HNF4G: variants seen among roughly 807,000 people sequenced by gnomAD.
HNF4G encodes the protein hepatocyte nuclear factor 4-gamma.
A neutral mutation model predicts 50.9 loss-of-function variants in HNF4G; 21 were observed. The observed-to-expected ratio is 0.41, with a 90% CI of 0.29 to 0.59. The LOEUF (loss-of-function observed/expected upper bound fraction) is 0.59. Among genes scored for constraint, HNF4G ranks in the 20% least tolerant of loss-of-function variants. The pLI is 0.26. For synonymous variants in HNF4G, 198 were observed against 185.6 expected, an observed-to-expected ratio of 1.07 and a Z score of -0.54; for missense variants, 527 against 559.4, an observed-to-expected ratio of 0.94 and a Z score of 0.58.
rs183999642 is a variant in HNF4G at position 75,430,178 on chromosome 8, G to C, written c.-144+22016G>C. Among the ~76,000 whole-genome samples, 282 of 151,830 alleles carry C rather than the reference G, an allele frequency of 1.9e-3. 1 individual carries two copies. The highest frequency in any genetic ancestry group is 3.9e-3 in the Admixed American group (59 of 15,224). On this transcript the variant is annotated intron_variant, in intron 1 of 10. Coordinates refer to the HNF4G transcript ENST00000354370. ...AAAAAAAAAAAAAATTAATTGCATA[G>C]CTGAGTTGGTGGAAAGTAAGGAGAA...
chr8:75,564,026 A>C lies in HNF4G; in HGVS notation c.1298A>C (p.Gln433Pro). 1 of 1,613,786 alleles carries C rather than the reference A, an allele frequency of 6.2e-7. No individual in the cohort carries two copies. Residue 433 changes from glutamine (Q) to proline (P), a missense_variant, in exon 10 of 10, where the codon CAG becomes CCG. By Grantham distance (76) the Gln-to-Pro change is moderately conservative (BLOSUM62 -1). Transcript: ENST00000396423. ...PSPPQGSGQE[Q>P]YKIAANQASV... Reference sequence around the variant, plus strand: ...CCACCACAAGGCTCTGGGCAAGAACAGTACAAAATAGCTGCAAACCAAGCA... The same window carrying C: ...CCACCACAAGGCTCTGGGCAAGAACCGTACAAAATAGCTGCAAACCAAGCA...
At chr8:75,544,031 G>T (rs1171692581) in intron 2 of HNF4G, 52 bp downstream of exon 2, 13 of 1,469,046 alleles carry the variant, frequency 8.8e-6, no homozygotes, top group South Asian at 4.1e-5. Context: ...TTTCAGTTTG[G>T]CACGCAAAAA....
chr8:75,420,653 C>T (rs1810754963), intron 1 of HNF4G, among the ~76,000 whole-genome samples: 2 of 152,312 alleles, frequency 1.3e-5, no homozygotes, highest in South Asian at 4.1e-4. Flanking sequence ...CTTTAGTTCT[C>T]AGTTTCTGTG....
chr8:75,479,725 C>T (rs911426959), intron 1 of HNF4G, among the ~76,000 whole-genome samples: 2 of 151,320 alleles, frequency 1.3e-5, no homozygotes, highest in Admixed American at 6.6e-5. Context: ...TGTTAAACTA[C>T]CATGGAGGTG....
At chr8:75,493,070 C>T (rs1812673862) in intron 2 of HNF4G, among the ~76,000 whole-genome samples, 1 of 151,558 alleles carries the variant, frequency 6.6e-6, no homozygotes, top group Non-Finnish European at 1.5e-5. Context: ...TAGTCATATA[C>T]ATATGAATCA....
intron 2 of HNF4G, among the ~76,000 whole-genome samples, chr8:75,494,299 AGCACAC>A (rs760525183): frequency 0.15 from 20,921 of 136,998 alleles, 1,860 homozygotes; most frequent in African/African-American, 0.22. Flanking sequence ...TCTCCCATAC[AGCACAC>A]ACACACACAC....
In HNF4G at chr8:75,565,180, T is replaced by A. The variant is rs1183492932; in HGVS notation, c.*1084T>A. On this transcript the variant is annotated 3_prime_UTR_variant, in exon 10 of 10. Coordinates refer to ENST00000396423, the MANE Select transcript of HNF4G (RefSeq NM_004133.5). Reference sequence around the variant, plus strand: ...CCCAGGTCTAGTTGACTTTAATGAATCTTTGGTGTGGAATGAAAAATGTGA... The same window carrying A: ...CCCAGGTCTAGTTGACTTTAATGAAACTTTGGTGTGGAATGAAAAATGTGA... 1 of 152,184 alleles carries A rather than the reference T, an allele frequency of 6.6e-6. No homozygotes were observed. Among genetic ancestry groups the A allele is most frequent in the Non-Finnish European group, 1.5e-5 (1 of 68,028 alleles). The allele number at this position is 152,184 out of a possible 1,614,324, so 9.4% of individuals were successfully genotyped here.
intron 1 of HNF4G, among the ~76,000 whole-genome samples, chr8:75,479,836 A>G (rs1170855761): frequency 6.6e-6 from 1 of 152,132 alleles, no homozygotes; most frequent in Non-Finnish European, 1.5e-5. Context: ...TATCCATCAC[A>G]TCAATGTTTT....
In HNF4G at chr8:75,520,636, C is replaced by A. The variant is rs139472613; in HGVS notation, c.-23-23175C>A. Among the ~76,000 whole-genome samples the A allele has an allele frequency of 6.6e-5, 10 of 152,024 alleles. No individual in the cohort carries two copies. The East Asian group carries it at 1.9e-3, about 29-fold the overall frequency. On this transcript the variant is annotated intron_variant, in intron 2 of 10. Transcript: ENST00000354370. ...TATTTTTTGTAGAGACAGGGTTTTG[C>A]CACGATGCCCAGGCTGGTCTCAAAC...
intron 1 of HNF4G, among the ~76,000 whole-genome samples, chr8:75,449,749 C>T (rs534524572): frequency 1.1e-4 from 16 of 151,904 alleles, no homozygotes; most frequent in South Asian, 4.1e-4. Flanking sequence ...CCTCGTGATC[C>T]GCCCCCCTTG....
chr8:75,451,167 C>T (rs193247876), intron 1 of HNF4G, among the ~76,000 whole-genome samples: 2 of 152,096 alleles, frequency 1.3e-5, no homozygotes, highest in Admixed American at 6.5e-5. Flanking sequence ...GTCCTTCGCC[C>T]ATTTTGGGGG....
At chr8:75,419,448 GCACC>G (rs1810728183) in intron 1 of HNF4G, among the ~76,000 whole-genome samples, 2 of 152,134 alleles carry the variant, frequency 1.3e-5, no homozygotes, top group Non-Finnish European at 2.9e-5. Flanking sequence ...ACACAGCAAA[GCACC>G]CTTCATGCTG....
At chr8:75,550,144 A>G (rs536761140) in intron 3 of HNF4G, among the ~76,000 whole-genome samples, 3 of 152,294 alleles carry the variant, frequency 2.0e-5, no homozygotes, top group South Asian at 2.1e-4. Context: ...CAGAAAAAAA[A>G]TGATATTTTA....
chr8:75,558,297 C>A (rs183257526), intron 6 of HNF4G, among the ~76,000 whole-genome samples: 1 of 152,070 alleles, frequency 6.6e-6, no homozygotes, highest in African/African-American at 2.4e-5. Context: ...TGACTGATCC[C>A]GTTAAAATGC....
chr8:75,469,257 G>A (rs775000089), intron 1 of HNF4G, among the ~76,000 whole-genome samples: 21 of 152,144 alleles, frequency 1.4e-4, no homozygotes, highest in Admixed American at 2.6e-4. Context: ...AGCGGTTTCA[G>A]GGCAAGCCCA....
At chr8:75,493,234 T>C (rs1812677635) in intron 2 of HNF4G, among the ~76,000 whole-genome samples, 1 of 152,078 alleles carries the variant, frequency 6.6e-6, no homozygotes. Flanking sequence ...CAGCAAGGTA[T>C]ATATCTGGAG....
At chr8:75,481,121 C>T (rs1482418640) in intron 1 of HNF4G, among the ~76,000 whole-genome samples, 2 of 152,140 alleles carry the variant, frequency 1.3e-5, no homozygotes, top group Non-Finnish European at 2.9e-5. Context: ...CCACACAATT[C>T]TGACTTTGTA....
intron 1 of HNF4G, among the ~76,000 whole-genome samples, chr8:75,430,976 T>C (rs149290605): frequency 1.1e-3 from 172 of 152,098 alleles, no homozygotes; most frequent in African/African-American, 3.5e-3. Context: ...ATTAAAAATA[T>C]GGTAAAAGAC....
chr8:75,473,817 T>C (rs1283575231), intron 1 of HNF4G, among the ~76,000 whole-genome samples: 1 of 151,764 alleles, frequency 6.6e-6, no homozygotes, highest in South Asian at 2.1e-4. Flanking sequence ...TGACACCTGG[T>C]AAAGAAAACC....
Sources: allele counts gnomAD v4.1 joint callset (sites outside exome capture counted in the v4.1 genomes callset), GRCh38; gene constraint gnomAD v4.1.1; transcripts MANE v1.5; gene names NCBI Gene and HGNC (gene_info 2026-07-23, HGNC 2026-07-21).